The following DOCK9 variants were observed in gnomAD, a reference collection of about 807,000 sequenced individuals.
DOCK9 encodes dedicator of cytokinesis 9.
A neutral mutation model predicts 263.3 loss-of-function variants in DOCK9; 89 were observed. The ratio of observed to expected loss-of-function variants is 0.34; its 90% confidence interval spans 0.28 to 0.40. The LOEUF (loss-of-function observed/expected upper bound fraction) is 0.40, where lower values mean the gene tolerates loss of function less well. Among genes scored for constraint, DOCK9 ranks in the 10% least tolerant of loss-of-function variants. The pLI is 1.00. For missense variants in DOCK9, 2,140 were observed against 2,603.4 expected (o/e 0.82, Z 3.87); for synonymous variants, 976 against 973.1 (o/e 1.00, Z -0.06).
intron 2 of DOCK9, among the ~76,000 whole-genome samples, chr13:98,935,674 A>G (rs1429061243): frequency 1.3e-5 from 2 of 152,224 alleles, no homozygotes; most frequent in East Asian, 1.9e-4. Flanking sequence ...AGGCTGAGGC[A>G]CGAGAATCGC....
At chr13:99,086,861 G>A (rs1325954117), upstream of DOCK9, among the ~76,000 whole-genome samples, 1 of 151,026 alleles carries the variant, frequency 6.6e-6, no homozygotes, top group East Asian at 2.0e-4. Flanking sequence ...GTGGGGGGTC[G>A]GGGCCGCCTC....
In DOCK9 at chr13:98,942,863, G is replaced by A. The variant is rs538401917; in HGVS notation, c.243+12572C>T. 3.6e-4 allele frequency among the ~76,000 whole-genome samples: 55 copies of A among 152,094 alleles called. No homozygotes were observed. In the South Asian group the frequency reaches 1.0e-2, roughly 28 times the overall value. ...GAGACGTAACACAATGGAAGTATGT[G>A]TGTACCTACACATATCTACACACGG... On this transcript the variant is annotated intron_variant, in intron 2 of 52. Coordinates refer to ENST00000682017, the MANE Select transcript of DOCK9 (RefSeq NM_001366683.2).
At chr13:98,901,624 AC>A (rs1300188168) in intron 13 of DOCK9, among the ~76,000 whole-genome samples, 153 bp downstream of exon 13, 3 of 152,256 alleles carry the variant, frequency 2.0e-5, no homozygotes, top group African/African-American at 7.2e-5. Context: ...CAAAATCAAG[AC>A]ATAAAGTTCA....
At chr13:98,901,966 A>G (rs2048343645) in intron 12 of DOCK9, 66 bp from the exon 13 acceptor site, 3 of 1,569,220 alleles carry the variant, frequency 1.9e-6, no homozygotes, top group East Asian at 4.6e-5. Flanking sequence ...TCCCATGAAC[A>G]TTAAACAGCA....
chr13:98,877,519 G>A (rs2044060266), intron 27 of DOCK9, among the ~76,000 whole-genome samples: 1 of 152,096 alleles, frequency 6.6e-6, no homozygotes, highest in Non-Finnish European at 1.5e-5. Context: ...CCTGAACTGT[G>A]GTGCTGGGTC....
upstream of DOCK9, chr13:98,978,148 C>T (rs950283394): frequency 1.0e-5 from 14 of 1,350,494 alleles, no homozygotes; most frequent in Middle Eastern, 5.4e-4. Context: ...TACTTGCTGG[C>T]CAAAGGAAAA....
At position 99,053,845 on chromosome 13, in the gene DOCK9, C is replaced by A. The variant is rs905745824; in HGVS notation, c.129+32378G>T. Among the ~76,000 whole-genome samples, 8 of 152,122 alleles carry A rather than the reference C, an allele frequency of 5.3e-5. No homozygotes were observed. The East Asian group carries it at 1.5e-3, about 29-fold the overall frequency. ...GCGAAGCACCCCACACCCTCCACCT[C>A]CCCTCACTCACCCTCCTACTCCCAA... is the stretch of plus-strand genomic sequence containing the variant. On this transcript the variant is annotated intron_variant, in intron 1 of 32. Coordinates refer to the DOCK9 transcript ENST00000427887.
intron 47 of DOCK9, among the ~76,000 whole-genome samples, chr13:98,808,286 A>G (rs2090947186): frequency 6.6e-6 from 1 of 152,200 alleles, no homozygotes; most frequent in Admixed American, 6.5e-5. Context: ...GCTTGTATAA[A>G]TTGTATTTTG....
chr13:98,797,928 AC>A (rs2089633348), intron 50 of DOCK9, among the ~76,000 whole-genome samples: 1 of 152,330 alleles, frequency 6.6e-6, no homozygotes, highest in East Asian at 1.9e-4. Context: ...AAATGCAGTA[AC>A]TATTCCAGTT....
intron 27 of DOCK9, among the ~76,000 whole-genome samples, chr13:98,876,828 C>T (rs2043935200): frequency 6.6e-6 from 1 of 152,200 alleles, no homozygotes; most frequent in South Asian, 2.1e-4. Flanking sequence ...GAGAGGAGTG[C>T]TCTAAAAGTG....
chr13:99,021,127 G>C (rs1345067692), intron 1 of DOCK9, among the ~76,000 whole-genome samples: 1 of 152,176 alleles, frequency 6.6e-6, no homozygotes, highest in Non-Finnish European at 1.5e-5. Flanking sequence ...AATGTAATTA[G>C]AGTATCTGGC....
At chr13:99,058,818 C>T (rs1481982429) in intron 1 of DOCK9, among the ~76,000 whole-genome samples, 3 of 152,228 alleles carry the variant, frequency 2.0e-5, no homozygotes, top group African/African-American at 4.8e-5. Context: ...ACGAGCCCTG[C>T]TTTGGGGACA....
intron 1 of DOCK9, among the ~76,000 whole-genome samples, chr13:99,047,733 G>A (rs1261956475): frequency 2.0e-5 from 3 of 151,842 alleles, no homozygotes; most frequent in Admixed American, 1.3e-4. Context: ...ATGTTAGCCA[G>A]GCCGGTCTTG....
intron 2 of DOCK9, among the ~76,000 whole-genome samples, chr13:98,949,201 T>C (rs933645932): frequency 6.6e-6 from 1 of 152,186 alleles, no homozygotes; most frequent in Non-Finnish European, 1.5e-5. Context: ...GCCTCCCAAG[T>C]CGCTGGGACC....
chr13:98,800,360 C>G lies in DOCK9; in HGVS notation c.5844G>C (p.Arg1948=). The change falls in exon 50 of 53, where the codon CGG becomes CGC. Residue 1948 remains arginine (R), a synonymous_variant. Transcript: ENST00000682017. ...CCACCTCGGCCGAGGAGCACAGCTG[C>G]CGGAGCTCCGCCACCTTCTTACTCA... ...DEMSKKVAEL[R]QLCSSAEVDM... is the part of the protein sequence containing the mutation. 1 of 1,613,624 alleles carries G rather than the reference C, an allele frequency of 6.2e-7. No homozygotes were observed. Among genetic ancestry groups the G allele is most frequent in the Non-Finnish European group, 8.5e-7 (1 of 1,179,754 alleles).
In DOCK9 at chr13:98,829,602, C is replaced by A; in HGVS notation, c.4749+41G>T. On this transcript the variant is annotated intron_variant, in intron 42 of 52. Coordinates refer to ENST00000682017, the MANE Select transcript of DOCK9 (RefSeq NM_001366683.2). This position sits in a 1 kb window ranked among gnomAD's most constrained non-coding sequence, Gnocchi z 4.1. The stretch of plus-strand genomic sequence containing the variant: ...TCCACAAGCACCTCAGGTGCTGATG[C>A]AGAGTCTCAGGGTGAAACTAACATG... The A allele has an allele frequency of 1.9e-6, 3 of 1,581,774 alleles. No homozygotes were observed. Among genetic ancestry groups the A allele is most frequent in the Non-Finnish European group, 2.6e-6 (3 of 1,160,854 alleles).
At chr13:98,918,136 G>T (rs2051214031) in intron 7 of DOCK9, among the ~76,000 whole-genome samples, 1 of 152,212 alleles carries the variant, frequency 6.6e-6, no homozygotes, top group African/African-American at 2.4e-5. Flanking sequence ...GGGGACAAAA[G>T]GCAGTGCAGC....
intron 1 of DOCK9, among the ~76,000 whole-genome samples, chr13:99,037,584 TACAACCC>T (rs1888024501): frequency 6.6e-6 from 1 of 152,178 alleles, no homozygotes; most frequent in African/African-American, 2.4e-5. Flanking sequence ...TTACCAGCTA[TACAACCC>T]AAACATTCCA....
intron 1 of DOCK9, among the ~76,000 whole-genome samples, chr13:99,022,809 G>T (rs1199386232): frequency 6.6e-6 from 1 of 152,174 alleles, no homozygotes; most frequent in Admixed American, 6.5e-5. Context: ...TTGGCTGGAT[G>T]TGATGTCACA....
Sources: gnomAD v4.1 joint callset for allele counts (sites outside exome capture counted in the v4.1 genomes callset) on GRCh38, gnomAD v4.1.1 for gene constraint, Gnocchi (gnomAD v3.1) non-coding constraint, MANE v1.5 for transcripts, NCBI Gene and HGNC (gene_info 2026-07-23, HGNC 2026-07-21) for gene names.